Variants in SUCLG2 observed in about 807,000 individuals in gnomAD.
SUCLG2 encodes succinate--CoA ligase [GDP-forming] subunit beta, mitochondrial.
A neutral mutation model predicts 47.9 loss-of-function variants in SUCLG2; 42 were observed. The ratio of observed to expected loss-of-function variants is 0.88; its 90% CI spans 0.69 to 1.14. The LOEUF is 1.14. SUCLG2 is among the 50% of genes most tolerant of loss of function. The pLI, the probability that SUCLG2 is intolerant of heterozygous loss-of-function variation, is 0.00. For missense variants in SUCLG2, 571 were observed against 525.9 expected, an observed-to-expected ratio of 1.09 and a Z score of -0.84; for synonymous variants, 195 against 197.3, an observed-to-expected ratio of 0.99 and a Z score of 0.10.
chr3:67,365,196 G>A (rs1036620620), intron 10 of SUCLG2, among the ~76,000 whole-genome samples: 4 of 152,164 alleles, frequency 2.6e-5, no homozygotes, highest in Non-Finnish European at 5.9e-5. Context: ...TTATGTCACC[G>A]AACTCCTGTA....
At chr3:67,380,663 T>C (rs1702138098) in intron 10 of SUCLG2, among the ~76,000 whole-genome samples, 1 of 149,818 alleles carries the variant, frequency 6.7e-6, no homozygotes, top group African/African-American at 2.5e-5. Context: ...AGGTAGAAAC[T>C]TGTTACAGAA....
intron 9 of SUCLG2, among the ~76,000 whole-genome samples, chr3:67,431,725 C>G (rs2106887255): frequency 1.4e-5 from 2 of 142,142 alleles, no homozygotes; most frequent in East Asian, 4.6e-4. Flanking sequence ...ACATCACACA[C>G]CGGGGCATGT....
chr3:67,378,917 G>T (rs561244938), intron 10 of SUCLG2, among the ~76,000 whole-genome samples: 9 of 152,258 alleles, frequency 5.9e-5, no homozygotes, highest in African/African-American at 2.2e-4. Flanking sequence ...GAGCAAACCA[G>T]TCTTTGGACC....
intron 6 of SUCLG2, among the ~76,000 whole-genome samples, chr3:67,517,672 G>C (rs1705983122): frequency 6.6e-6 from 1 of 152,082 alleles, no homozygotes. Flanking sequence ...TACAAAATTG[G>C]CATATTTTAA....
chr3:67,374,901 G>T lies in SUCLG2; in HGVS notation c.*843C>A, dbSNP rs1361901677. 2 of 985,118 alleles carry T rather than the reference G, an allele frequency of 2.0e-6. No individual in the cohort carries two copies. Among genetic ancestry groups the T allele is most frequent in the African/African-American group, 1.7e-5 (1 of 57,164 alleles). The allele number at this position is 985,118 out of a possible 1,614,324, so 61.0% of individuals were successfully genotyped here. On this transcript the variant is annotated 3_prime_UTR_variant, in exon 11 of 11. Coordinates refer to ENST00000307227, the MANE Select transcript of SUCLG2 (RefSeq NM_003848.4). The stretch of plus-strand genomic sequence containing the variant: ...CTGGTAGATTCTGGGAGGATGAGGA[G>T]TAAGAGAGAAACGAGGAGAGAAGAT...
intron 9 of SUCLG2, among the ~76,000 whole-genome samples, chr3:67,405,016 G>A (rs1181557898): frequency 7.2e-6 from 1 of 138,728 alleles, no homozygotes; most frequent in Non-Finnish European, 1.5e-5. Context: ...GTCTATTTAA[G>A]TAACCAGAGA....
At chr3:67,527,367 G>A (rs934783892) in intron 4 of SUCLG2, among the ~76,000 whole-genome samples, 1 of 152,216 alleles carries the variant, frequency 6.6e-6, no homozygotes, top group African/African-American at 2.4e-5. Flanking sequence ...AGTTGTAAAG[G>A]GATTTAATGT....
intron 2 of SUCLG2, among the ~76,000 whole-genome samples, chr3:67,591,220 C>T (rs1261926789): frequency 6.6e-6 from 1 of 152,100 alleles, no homozygotes; most frequent in South Asian, 2.1e-4. Flanking sequence ...TTTAATAAAT[C>T]AAGAGCACAA....
intron 2 of SUCLG2, among the ~76,000 whole-genome samples, chr3:67,609,249 C>T (rs2290171): frequency 0.49 from 74,140 of 152,102 alleles, 19,000 homozygotes; most frequent in African/African-American, 0.64. Flanking sequence ...CCTCCCTTCA[C>T]GCTGCAGTCA....
downstream of SUCLG2, among the ~76,000 whole-genome samples, chr3:67,371,088 G>A (rs1173535333): frequency 6.6e-6 from 1 of 152,114 alleles, no homozygotes; most frequent in Non-Finnish European, 1.5e-5. Flanking sequence ...GAAAACAGAT[G>A]TGTTAATGAC....
chr3:67,640,567 C>A (rs907523865), intron 1 of SUCLG2, among the ~76,000 whole-genome samples: 4 of 152,126 alleles, frequency 2.6e-5, no homozygotes, highest in Non-Finnish European at 1.5e-5. Flanking sequence ...ATTTTTTACT[C>A]TCTTATAACA....
intron 2 of SUCLG2, among the ~76,000 whole-genome samples, chr3:67,566,455 C>T (rs1026739753): frequency 1.3e-5 from 2 of 152,048 alleles, no homozygotes; most frequent in African/African-American, 4.8e-5. Flanking sequence ...TGAAATAAAT[C>T]TATATGAAAA....
intron 9 of SUCLG2, among the ~76,000 whole-genome samples, chr3:67,485,508 G>A (rs1705027153): frequency 6.6e-6 from 1 of 152,066 alleles, no homozygotes; most frequent in Non-Finnish European, 1.5e-5. Flanking sequence ...AAAATTAAAA[G>A]GTCCATTATA....
intron 9 of SUCLG2, among the ~76,000 whole-genome samples, chr3:67,421,918 G>C (rs1435366680): frequency 6.6e-6 from 1 of 152,140 alleles, no homozygotes; most frequent in East Asian, 1.9e-4. Flanking sequence ...GTTATGTTGA[G>C]GAGCAGGATA....
chr3:67,599,447 G>A (rs78640272), intron 2 of SUCLG2, among the ~76,000 whole-genome samples: 12 of 152,318 alleles, frequency 7.9e-5, no homozygotes, highest in African/African-American at 2.9e-4. Flanking sequence ...AGGAACAGTA[G>A]TAAGAAATTC....
At chr3:67,517,606 T>C (rs1052624509) in intron 6 of SUCLG2, among the ~76,000 whole-genome samples, 9 of 152,216 alleles carry the variant, frequency 5.9e-5, no homozygotes, top group African/African-American at 1.9e-4. Context: ...AGACAGATTC[T>C]GTCCCTCAAC....
chr3:67,376,051 AAAG>A (rs1702029965), intron 10 of SUCLG2, 192 bp from the exon 11 acceptor site: 8 of 985,492 alleles, frequency 8.1e-6, no homozygotes, highest in African/African-American at 7.0e-5. Flanking sequence ...TCCAGCTAGA[AAAG>A]AAGATGAAAG....
intron 9 of SUCLG2, among the ~76,000 whole-genome samples, chr3:67,446,575 G>T (rs1421879930): frequency 6.6e-6 from 1 of 150,770 alleles, no homozygotes; most frequent in African/African-American, 2.4e-5. Flanking sequence ...GACTACAGGC[G>T]CCTGCCACCA....
rs552524418 is a variant in SUCLG2 at position 67,440,319 on chromosome 3, G to A, written c.1063-39468C>T. Among the ~76,000 whole-genome samples, 7 of 152,222 alleles carry A rather than the reference G, an allele frequency of 4.6e-5. No individual in the cohort carries two copies. The East Asian group carries it at 7.7e-4, about 17-fold the overall frequency. ...GCAATACCATTCATGACATAGGCACGGGCAAAGACTTCCTGACTAAAACAC... is the reference window on the plus strand; with the variant it reads ...GCAATACCATTCATGACATAGGCACAGGCAAAGACTTCCTGACTAAAACAC... On this transcript the variant is annotated intron_variant, in intron 9 of 10. Coordinates refer to ENST00000307227, the MANE Select transcript of SUCLG2 (RefSeq NM_003848.4).
Sources: allele counts gnomAD v4.1 joint callset (sites outside exome capture counted in the v4.1 genomes callset), GRCh38; gene constraint gnomAD v4.1.1; transcripts MANE v1.5; gene names NCBI Gene and HGNC (gene_info 2026-07-23, HGNC 2026-07-21).